The following ANKRD62 variants were observed in gnomAD, a reference collection of about 807,000 sequenced individuals.
ANKRD62 encodes ankyrin repeat domain-containing protein 62.
In ANKRD62, 61 loss-of-function variants were observed where a neutral mutation model predicts 98.8. That is an observed-to-expected ratio of 0.62 (90% CI 0.50 to 0.76). The LOEUF is 0.76. Among genes scored for constraint, ANKRD62 ranks in the 30% least tolerant of loss-of-function variants. The pLI is 0.00. For synonymous variants in ANKRD62, 341 were observed against 367.9 expected, an observed-to-expected ratio of 0.93 and a Z score of 0.84; for missense variants, 933 against 1,082.9, an observed-to-expected ratio of 0.86 and a Z score of 1.94.
the ANKRD62 span, among the ~76,000 whole-genome samples, chr18:12,141,207 G>A: frequency 2.3e-3 from 348 of 152,330 alleles, no homozygotes; most frequent in Middle Eastern, 0.027. Context: ...TTGGACAAGC[G>A]CAGTATTAGG....
downstream of ANKRD62, among the ~76,000 whole-genome samples, chr18:12,130,057 G>A (rs1369113650): frequency 6.6e-6 from 1 of 152,180 alleles, no homozygotes; most frequent in East Asian, 1.9e-4. Flanking sequence ...TAAAGCAAAT[G>A]AGTAGTGTAG....
intron 10 of ANKRD62, among the ~76,000 whole-genome samples, chr18:12,117,885 C>A (rs188326579): frequency 6.6e-6 from 1 of 152,118 alleles, no homozygotes; most frequent in Non-Finnish European, 1.5e-5. Flanking sequence ...ATGATAAAGT[C>A]TTTATTGGTT....
downstream of ANKRD62, among the ~76,000 whole-genome samples, chr18:12,134,751 C>T (rs1910056358): frequency 6.6e-6 from 1 of 152,164 alleles, no homozygotes; most frequent in Non-Finnish European, 1.5e-5. Context: ...ATATGTGCCA[C>T]ATTTTCTTAA....
At chr18:12,176,198 GA>G in the ANKRD62 span, among the ~76,000 whole-genome samples, 12 of 150,736 alleles carry the variant, frequency 8.0e-5, no homozygotes, top group African/African-American at 3.0e-4. Context: ...TCTCAAAAAC[GA>G]AAAAAAATTA....
At chr18:12,102,359 C>T (rs1212909519) in intron 6 of ANKRD62, 24 of 627,296 alleles carry the variant, frequency 3.8e-5, no homozygotes, top group Non-Finnish European at 6.0e-5. Context: ...GGGGGTAGGT[C>T]GGTTCTGAAG....
At chr18:12,165,964 G>A in the ANKRD62 span, among the ~76,000 whole-genome samples, 1 of 152,002 alleles carries the variant, frequency 6.6e-6, no homozygotes, top group Admixed American at 6.6e-5. Flanking sequence ...TTCTCTCCTG[G>A]CCTGTAAGGT....
intron 10 of ANKRD62, 67 bp downstream of exon 10, chr18:12,115,601 G>C: frequency 7.3e-7 from 1 of 1,369,824 alleles, no homozygotes; most frequent in Non-Finnish European, 9.8e-7. Flanking sequence ...ATATTGCTTA[G>C]CACGGCACCA....
At chr18:12,111,747 T>C (rs114893321) in intron 8 of ANKRD62, among the ~76,000 whole-genome samples, 27 of 152,240 alleles carry the variant, frequency 1.8e-4, no homozygotes, top group African/African-American at 5.8e-4. Flanking sequence ...TTAGTACCAT[T>C]CCCATAGACC....
At position 12,093,982 on chromosome 18, in the gene ANKRD62, C is replaced by T. The variant is rs1021567915; in HGVS notation, c.-36C>T. 11 of 1,528,846 alleles carry T rather than the reference C, an allele frequency of 7.2e-6. No individual in the cohort carries two copies. In the African/African-American group the frequency reaches 9.6e-5, roughly 13 times the overall value. The allele number at this position is 1,528,846 out of a possible 1,614,324, so 94.7% of individuals were successfully genotyped here. ...AGTGGGAGCTGAGGTGTCTTAAAGC[C>T]GTTCCTCAGCCTGGGAGAAGATCTC... On this transcript the variant is annotated 5_prime_UTR_variant, in exon 1 of 14. Coordinates refer to ENST00000587848, the MANE Select transcript of ANKRD62 (RefSeq NM_001277333.2).
chr18:12,140,283 T>G, the ANKRD62 span, among the ~76,000 whole-genome samples: 1 of 152,202 alleles, frequency 6.6e-6, no homozygotes, highest in African/African-American at 2.4e-5. Flanking sequence ...TTCTTTGCCA[T>G]TGGTTCAAAC....
the ANKRD62 span, among the ~76,000 whole-genome samples, chr18:12,158,707 T>TG: frequency 6.7e-6 from 1 of 150,096 alleles, no homozygotes; most frequent in Non-Finnish European, 1.5e-5. Flanking sequence ...TTTTTTTTTT[T>TG]GTATTTTTAG....
chr18:12,095,253 A>G lies in ANKRD62; in HGVS notation c.301A>G (p.Thr101Ala), dbSNP rs1205953800. Residue 101 changes from threonine to alanine, a missense_variant, in exon 2 of 14, where the codon ACT becomes GCT. This residue lies in a region of ANKRD62 where 549 missense variants were observed against 587.9 expected (regional missense o/e 0.93). Coordinates refer to ENST00000587848, the MANE Select transcript of ANKRD62 (RefSeq NM_001277333.2). ...GGCCAGAAAATGCCAGCTTAACCTCACTGACAGTGAAAACAGGACAGCTCT... is the reference window on the plus strand; with the variant it reads ...GGCCAGAAAATGCCAGCTTAACCTCGCTGACAGTGAAAACAGGACAGCTCT... ...LVARKCQLNL[T>A]DSENRTALIK... The G allele has an allele frequency of 6.5e-7, 1 of 1,539,570 alleles. No homozygotes were observed.
Position 12,097,742 on chromosome 18 carries a change from T to C in ANKRD62, c.717T>C (p.Thr239=), listed in dbSNP as rs533081352. 6.5e-7 allele frequency: 1 copy of C among 1,536,094 alleles called. No homozygotes were observed. The highest frequency in any genetic ancestry group is 2.0e-5 in the Admixed American group (1 of 51,000). Residue 239 remains threonine (T), a synonymous_variant, in exon 5 of 14, where the codon ACT becomes ACC. Transcript: ENST00000587848. ...DVFCQDISGW[T]AEDYAVASKF... is the part of the protein sequence containing the mutation. ...TTTGCCAAGATATATCTGGATGGACTGCAGAAGACTACGCTGTTGCTTCTA... is the reference window on the plus strand; with the variant it reads ...TTTGCCAAGATATATCTGGATGGACCGCAGAAGACTACGCTGTTGCTTCTA...
chr18:12,130,574 A>G (rs1909987774), downstream of ANKRD62, among the ~76,000 whole-genome samples: 1 of 152,216 alleles, frequency 6.6e-6, no homozygotes, highest in East Asian at 1.9e-4. Context: ...ACCTAATGAA[A>G]TACCTTAGGG....
At position 12,126,328 on chromosome 18, in the gene ANKRD62, G is replaced by T. The variant is rs1479048822; in HGVS notation, c.2507G>T (p.Cys836Phe). 3 of 1,527,918 alleles carry T rather than the reference G, an allele frequency of 2.0e-6. No homozygotes were observed. The highest frequency in any genetic ancestry group is 2.6e-6 in the Non-Finnish European group (3 of 1,144,364). 94.6% of individuals were successfully genotyped at this position (1,527,918 alleles called of 1,614,324 possible). ...EENNKGLMKE[C>F]TLLKERQCQY... ...AACAATAAGGGGTTGATGAAGGAAT[G>T]CACTCTTTTAAAAGAAAGACAATGC... Residue 836 changes from cysteine (C) to phenylalanine (F), a missense_variant, in exon 13 of 14, where the codon TGC becomes TTC. Cys to Phe is a radical substitution (Grantham distance 205, BLOSUM62 -2). Transcript: ENST00000587848.
the ANKRD62 span, among the ~76,000 whole-genome samples, chr18:12,166,168 T>C: frequency 6.6e-6 from 1 of 152,158 alleles, no homozygotes; most frequent in South Asian, 2.1e-4. Context: ...TACTTGGATG[T>C]TGATATCTTT....
At chr18:12,157,383 C>T in the ANKRD62 span, among the ~76,000 whole-genome samples, 1 of 152,116 alleles carries the variant, frequency 6.6e-6, no homozygotes, top group African/African-American at 2.4e-5. Context: ...GCCCTATCCT[C>T]GCCCCTGGCC....
downstream of ANKRD62, among the ~76,000 whole-genome samples, chr18:12,133,942 G>C (rs1352962992): frequency 6.6e-6 from 1 of 151,778 alleles, no homozygotes; most frequent in Non-Finnish European, 1.5e-5. Context: ...TTGCCCCAAA[G>C]AAAAAAATAT....
At chr18:12,135,634 G>A in the ANKRD62 span, among the ~76,000 whole-genome samples, 4 of 151,480 alleles carry the variant, frequency 2.6e-5, no homozygotes, top group Admixed American at 2.0e-4. Context: ...TTCCACAATG[G>A]TTGAACTAGT....
Sources: gnomAD v4.1 joint callset for allele counts (sites outside exome capture counted in the v4.1 genomes callset) on GRCh38, gnomAD v4.1.1 for gene constraint, gnomAD v4.1.1 regional missense constraint, MANE v1.5 for transcripts, NCBI Gene and HGNC (gene_info 2026-07-23, HGNC 2026-07-21) for gene names.